Variants in DGKB observed in about 807,000 individuals in gnomAD.
DGKB encodes the protein diacylglycerol kinase beta, also known as 90 kDa diacylglycerol kinase.
DGKB carries 67 observed loss-of-function variants against 114.3 expected under a neutral mutation model. The ratio of observed to expected loss-of-function variants is 0.59; its 90% CI spans 0.48 to 0.72. The LOEUF (loss-of-function observed/expected upper bound fraction) is 0.72. Ranked by LOEUF, DGKB falls within the 30% of genes least tolerant of loss-of-function variation. The pLI, the probability that DGKB is intolerant of heterozygous loss-of-function variation, is 0.00. For synonymous variants in DGKB, 398 were observed against 323.1 expected (o/e 1.23, Z -2.49); for missense variants, 907 against 975.2 (o/e 0.93, Z 0.93).
chr7:14,855,857 T>TTAACTTATCATAAATAATAGAAACATAAA (rs1850067517), intron 1 of DGKB, among the ~76,000 whole-genome samples: 1 of 152,120 alleles, frequency 6.6e-6, no homozygotes, highest in African/African-American at 2.4e-5. Flanking sequence ...TTTATCCTGA[T>TTAACTTATCATAAATAATAGAAACATAAA]TAACTTATCA....
intron 23 of DGKB, among the ~76,000 whole-genome samples, chr7:14,237,228 T>C (rs1352512961): frequency 1.3e-5 from 2 of 152,046 alleles, no homozygotes; most frequent in East Asian, 3.9e-4. Flanking sequence ...ATATTATTTA[T>C]GTATAAATGT....
chr7:14,366,346 G>A (rs1816670935), intron 21 of DGKB, among the ~76,000 whole-genome samples: 1 of 152,048 alleles, frequency 6.6e-6, no homozygotes, highest in South Asian at 2.1e-4. Flanking sequence ...TTGTATTCAG[G>A]TAATGTTATG....
intron 2 of DGKB, among the ~76,000 whole-genome samples, chr7:14,804,591 T>A (rs1205718815): frequency 1.3e-5 from 2 of 152,052 alleles, no homozygotes; most frequent in Non-Finnish European, 2.9e-5. Flanking sequence ...ATGGAAATAA[T>A]CTTTCAAATA....
intron 23 of DGKB, among the ~76,000 whole-genome samples, chr7:14,327,374 T>A (rs1314398143): frequency 3.9e-5 from 6 of 152,070 alleles, no homozygotes; most frequent in African/African-American, 1.4e-4. Flanking sequence ...AAAGAATTTA[T>A]TAAAAACCTT....
chr7:14,565,739 A>G lies in DGKB; in HGVS notation c.1770+8473T>C, dbSNP rs149339917. ...GTCTTTCCAGTTTTTTTCAGTATCC[A>G]TGGCTCTTAGTGTACTCATCTGTCT... On this transcript the variant is annotated intron_variant, in intron 20 of 25. Transcript: ENST00000402815. 3.9e-3 allele frequency among the ~76,000 whole-genome samples: 592 copies of G among 152,144 alleles called. 3 individuals carry two copies. Among genetic ancestry groups the G allele is most frequent in the African/African-American group, 0.013 (548 of 41,520 alleles).
chr7:14,836,822 C>T (rs973263715), intron 2 of DGKB, among the ~76,000 whole-genome samples: 1 of 152,188 alleles, frequency 6.6e-6, no homozygotes, highest in Non-Finnish European at 1.5e-5. Context: ...CAACACAGAG[C>T]GGAGGCTGCC....
intron 23 of DGKB, among the ~76,000 whole-genome samples, chr7:14,206,790 C>G (rs1312616310): frequency 6.6e-6 from 1 of 151,886 alleles, no homozygotes; most frequent in South Asian, 2.1e-4. Flanking sequence ...TTCTAATATG[C>G]AAGTAATATT....
intron 21 of DGKB, among the ~76,000 whole-genome samples, chr7:14,428,977 G>T (rs1224836474): frequency 1.3e-5 from 2 of 151,934 alleles, no homozygotes; most frequent in African/African-American, 2.4e-5. Flanking sequence ...ATAAAAGTTG[G>T]TGGTTTAATA....
At chr7:14,828,577 A>G (rs1282213942) in intron 2 of DGKB, among the ~76,000 whole-genome samples, 1 of 152,010 alleles carries the variant, frequency 6.6e-6, no homozygotes, top group Non-Finnish European at 1.5e-5. Context: ...GAGAGTATTT[A>G]GTACATACTA....
At chr7:14,834,701 C>A (rs1160158001) in intron 2 of DGKB, among the ~76,000 whole-genome samples, 5 of 152,122 alleles carry the variant, frequency 3.3e-5, no homozygotes, top group Admixed American at 2.0e-4. Flanking sequence ...TGTGTTAGCC[C>A]ACTAAGACTT....
intron 4 of DGKB, among the ~76,000 whole-genome samples, chr7:14,750,833 C>T (rs1265211075): frequency 8.7e-6 from 1 of 114,796 alleles, no homozygotes; most frequent in Admixed American, 1.1e-4. Context: ...CAGAGTCTCA[C>T]TCTGTTGTTG....
intron 1 of DGKB, among the ~76,000 whole-genome samples, chr7:14,849,829 G>T (rs1361316430): frequency 3.3e-5 from 5 of 151,982 alleles, no homozygotes; most frequent in African/African-American, 1.2e-4. Context: ...AATCTCAAGA[G>T]GCACAGAGCC....
chr7:14,216,235 G>A (rs1788940291), intron 23 of DGKB, among the ~76,000 whole-genome samples: 2 of 152,106 alleles, frequency 1.3e-5, no homozygotes, highest in Admixed American at 6.6e-5. Flanking sequence ...GGACAGAAGT[G>A]GAGATAAGGA....
At chr7:14,861,886 G>A (rs115416257) in intron 1 of DGKB, among the ~76,000 whole-genome samples, 1 of 151,894 alleles carries the variant, frequency 6.6e-6, no homozygotes, top group Admixed American at 6.6e-5. Flanking sequence ...TGAGCTGCTT[G>A]CAAGATTTGT....
intron 20 of DGKB, among the ~76,000 whole-genome samples, chr7:14,520,279 T>C (rs2128562679): frequency 7.0e-6 from 1 of 142,406 alleles, no homozygotes; most frequent in South Asian, 2.2e-4. Context: ...ATAAAAAAAC[T>C]AGTCTTTGGT....
intron 13 of DGKB, among the ~76,000 whole-genome samples, chr7:14,658,245 T>C (rs1585413092): frequency 6.6e-6 from 1 of 151,922 alleles, no homozygotes; most frequent in Non-Finnish European, 1.5e-5. Context: ...GATGCAGAAC[T>C]GGGACCATTT....
intron 21 of DGKB, among the ~76,000 whole-genome samples, chr7:14,458,086 A>G (rs1832555005): frequency 6.6e-6 from 1 of 152,112 alleles, no homozygotes; most frequent in Non-Finnish European, 1.5e-5. Flanking sequence ...AAAAAAAACG[A>G]TGCTCTAAAG....
intron 13 of DGKB, among the ~76,000 whole-genome samples, chr7:14,660,873 A>G (rs991353065): frequency 3.3e-5 from 5 of 152,082 alleles, no homozygotes; most frequent in Non-Finnish European, 7.4e-5. Flanking sequence ...TCAATGGAAC[A>G]GAACAGAACC....
In DGKB at chr7:14,495,730, T is replaced by C. The variant is rs1785213228; in HGVS notation, c.1771-17505A>G. On this transcript the variant is annotated intron_variant, in intron 20 of 25. Coordinates refer to ENST00000402815, the MANE Select transcript of DGKB (RefSeq NM_001350709.2). ...GCTGCCTGTAGTGTCTCTTTAAAAC[T>C]GGCATGGTTTACTTCAAAACAACTA... Among the ~76,000 whole-genome samples, 2 of 151,816 alleles carry C rather than the reference T, an allele frequency of 1.3e-5. 1 individual carries two copies. Among genetic ancestry groups the C allele is most frequent in the African/African-American group, 4.8e-5 (2 of 41,414 alleles).
Sources: allele counts gnomAD v4.1 joint callset (sites outside exome capture counted in the v4.1 genomes callset), GRCh38; gene constraint gnomAD v4.1.1; transcripts MANE v1.5; gene names NCBI Gene and HGNC (gene_info 2026-07-23, HGNC 2026-07-21).